Variants in OCA2 observed in about 807,000 individuals in gnomAD.
OCA2 encodes OCA2 melanosomal transmembrane protein.
Under a neutral mutation model 100.2 loss-of-function variants are expected in OCA2, and 77 were observed. That is an observed-to-expected ratio of 0.77 (90% confidence interval 0.64 to 0.93). OCA2 has a LOEUF of 0.93. Among genes scored for constraint, OCA2 ranks in the 40% least tolerant of loss-of-function variants. The probability of loss-of-function intolerance (pLI) is 0.00; values close to 1 mark genes in which losing one functional copy is unlikely to be tolerated. For missense variants in OCA2, 1,062 were observed against 1,089.1 expected, an observed-to-expected ratio of 0.98 and a Z score of 0.35; for synonymous variants, 432 against 439.2, an observed-to-expected ratio of 0.98 and a Z score of 0.21.
intron 23 of OCA2, among the ~76,000 whole-genome samples, chr15:27,818,144 C>CT (rs1291742304): frequency 1.3e-5 from 2 of 152,170 alleles, no homozygotes; most frequent in Non-Finnish European, 2.9e-5. Flanking sequence ...AATCCCAGCA[C>CT]TCTGGGAGAC....
chr15:27,965,713 G>A (rs1007498879), intron 15 of OCA2, among the ~76,000 whole-genome samples: 3 of 152,170 alleles, frequency 2.0e-5, no homozygotes, highest in Non-Finnish European at 4.4e-5. Context: ...AAAGAAGAGC[G>A]CCTTCATCTG....
At chr15:28,005,849 C>T (rs139120293) in intron 9 of OCA2, among the ~76,000 whole-genome samples, 2 of 152,298 alleles carry the variant, frequency 1.3e-5, no homozygotes, top group Non-Finnish European at 2.9e-5. Context: ...TCAGAATCAA[C>T]ATAGATGATG....
chr15:28,012,488 T>C (rs1397287423), intron 9 of OCA2, among the ~76,000 whole-genome samples: 2 of 152,182 alleles, frequency 1.3e-5, no homozygotes, highest in African/African-American at 4.8e-5. Flanking sequence ...CTCCCTTCTA[T>C]GTGTGGCTGG....
At chr15:27,851,285 T>G in intron 22 of OCA2, 97 bp downstream of exon 22, 1 of 996,492 alleles carries the variant, frequency 1.0e-6, no homozygotes, top group African/African-American at 1.6e-5. Context: ...AGACTCTCCT[T>G]CATTTGCTTT....
Position 27,768,129 on chromosome 15 carries a change from G to A in OCA2, c.2433-12657C>T, listed in dbSNP as rs553878634. ...CCAGGATGGGTCTTTCTAGGTGGATGCCTGTGAGGTGCGGCCCCTGCCAAG... is the reference window on the plus strand; with the variant it reads ...CCAGGATGGGTCTTTCTAGGTGGATACCTGTGAGGTGCGGCCCCTGCCAAG... On this transcript the variant is annotated intron_variant, in intron 23 of 23. Coordinates refer to ENST00000354638, the MANE Select transcript of OCA2 (RefSeq NM_000275.3). Among the ~76,000 whole-genome samples the A allele has an allele frequency of 2.7e-4, 41 of 152,328 alleles. No homozygotes were observed. The East Asian group carries it at 7.9e-3, about 29-fold the overall frequency.
Position 27,755,368 on chromosome 15 carries a change from G to C in OCA2, c.*20C>G. The stretch of plus-strand genomic sequence containing the variant: ...ATGGATGAAGTTTCCTTTAGTCTTC[G>C]AGCAATAGATGGATGTCTATTAATT... On this transcript the variant is annotated 3_prime_UTR_variant, in exon 24 of 24. Transcript: ENST00000354638. The C allele has an allele frequency of 6.4e-7, 1 of 1,569,050 alleles. No individual in the cohort carries two copies. The highest frequency in any genetic ancestry group is 8.8e-7 in the Non-Finnish European group (1 of 1,139,154).
At chr15:28,017,278 T>C (rs1315350071) in intron 7 of OCA2, among the ~76,000 whole-genome samples, 4 of 152,162 alleles carry the variant, frequency 2.6e-5, no homozygotes, top group Non-Finnish European at 5.9e-5. Flanking sequence ...TTTCTGGGGC[T>C]GGATTTGCCT....
intron 19 of OCA2, among the ~76,000 whole-genome samples, chr15:27,887,516 C>A (rs2037275162): frequency 6.6e-6 from 1 of 151,358 alleles, no homozygotes; most frequent in Non-Finnish European, 1.5e-5. Flanking sequence ...GAGGAGGGAC[C>A]CCACTACACC....
chr15:27,928,086 C>T (rs1163937187), intron 18 of OCA2, among the ~76,000 whole-genome samples: 1 of 152,056 alleles, frequency 6.6e-6, no homozygotes, highest in Non-Finnish European at 1.5e-5. Context: ...GCCACCATGC[C>T]CAGCCAACAC....
At chr15:28,059,436 T>C (rs1304168719) in intron 2 of OCA2, among the ~76,000 whole-genome samples, 1 of 152,190 alleles carries the variant, frequency 6.6e-6, no homozygotes, top group African/African-American at 2.4e-5. Context: ...CCCAGCACTT[T>C]GGGAGGCCAA....
chr15:28,093,252 C>T (rs1226476267), intron 1 of OCA2, among the ~76,000 whole-genome samples: 1 of 151,928 alleles, frequency 6.6e-6, no homozygotes, highest in East Asian at 1.9e-4. Flanking sequence ...TGTAACCTCG[C>T]CTCTACTAAA....
intron 23 of OCA2, among the ~76,000 whole-genome samples, chr15:27,778,663 T>C (rs958514278): frequency 6.6e-6 from 1 of 151,344 alleles, no homozygotes; most frequent in East Asian, 1.9e-4. Context: ...GTTGTGGAAA[T>C]TTCCCAGGGC....
At chr15:27,885,159 A>G (rs1306720914) in intron 19 of OCA2, among the ~76,000 whole-genome samples, 2 of 152,244 alleles carry the variant, frequency 1.3e-5, no homozygotes, top group Non-Finnish European at 2.9e-5. Context: ...ATACACCAGA[A>G]ATGACAGTTA....
chr15:28,049,205 G>T (rs2043433435), intron 2 of OCA2, among the ~76,000 whole-genome samples: 1 of 152,000 alleles, frequency 6.6e-6, no homozygotes, highest in Non-Finnish European at 1.5e-5. Context: ...TATACAGAAG[G>T]CCAATAAGCA....
intron 23 of OCA2, among the ~76,000 whole-genome samples, chr15:27,779,513 A>G (rs571242087): frequency 6.6e-6 from 1 of 152,226 alleles, no homozygotes; most frequent in East Asian, 1.9e-4. Flanking sequence ...ATTATATGGC[A>G]TCTTTCTTTG....
intron 23 of OCA2, among the ~76,000 whole-genome samples, chr15:27,765,501 C>T (rs916347407): frequency 1.6e-4 from 25 of 152,140 alleles, no homozygotes; most frequent in African/African-American, 6.0e-4. Flanking sequence ...AGTAAATTTC[C>T]TGAGGCTCCA....
At chr15:28,079,757 C>G (rs955930245) in intron 2 of OCA2, among the ~76,000 whole-genome samples, 2 of 152,110 alleles carry the variant, frequency 1.3e-5, no homozygotes, top group African/African-American at 4.8e-5. Flanking sequence ...ATCCCGACAC[C>G]CCCTCCCCGT....
intron 19 of OCA2, among the ~76,000 whole-genome samples, chr15:27,913,834 GAAAGGAAAGAAA>G (rs1443578525): frequency 1.8e-5 from 1 of 56,014 alleles, no homozygotes; most frequent in African/African-American, 6.7e-5. Flanking sequence ...AAGAAAGAAA[GAAAGGAAAGAAA>G]GAAAGAAAGA....
At chr15:28,046,045 A>G (rs1555383616) in intron 2 of OCA2, among the ~76,000 whole-genome samples, 1 of 152,038 alleles carries the variant, frequency 6.6e-6, no homozygotes, top group African/African-American at 2.4e-5. Flanking sequence ...CACCCCTTCT[A>G]TTTCAGGGGA....
Sources: gnomAD v4.1 joint callset for allele counts (sites outside exome capture counted in the v4.1 genomes callset) on GRCh38, gnomAD v4.1.1 for gene constraint, MANE v1.5 for transcripts, NCBI Gene and HGNC (gene_info 2026-07-23, HGNC 2026-07-21) for gene names.